KRT26: variants seen among roughly 807,000 people sequenced by gnomAD.
KRT26 encodes the protein keratin, type I cytoskeletal 26.
KRT26 carries 45 observed loss-of-function variants against 46.1 expected under a neutral mutation model. The observed-to-expected ratio is 0.98, with a 90% CI of 0.77 to 1.25. The LOEUF (loss-of-function observed/expected upper bound fraction) is 1.25. KRT26 is among the 50% of genes most tolerant of loss of function. The pLI is 0.00. For synonymous variants in KRT26, 191 were observed against 209.9 expected (o/e 0.91, Z 0.78); for missense variants, 582 against 560.1 (o/e 1.04, Z -0.39).
Position 40,769,890 on chromosome 17 carries a change from A to G in KRT26, c.844-11T>C. ...TTGCAGCGTTGCACTCTGAAGTGTA[A>G]TTGTCGAAAGGGTTAGTGACTGGCC... On this transcript the variant is annotated splice_polypyrimidine_tract_variant and intron_variant, in intron 4 of 7. Coordinates refer to ENST00000335552, the Ensembl canonical transcript of KRT26. The G allele has an allele frequency of 6.2e-7, 1 of 1,614,042 alleles. No individual in the cohort carries two copies. The highest frequency in any genetic ancestry group is 8.5e-7 in the Non-Finnish European group (1 of 1,179,994).
intron 6 of KRT26, among the ~76,000 whole-genome samples, chr17:40,768,347 A>T (rs902816526): frequency 6.6e-6 from 1 of 152,230 alleles, no homozygotes; most frequent in South Asian, 2.1e-4. Flanking sequence ...TCACAATTTC[A>T]TCAACGAGGA....
intron 5 of KRT26, 140 bp from the exon 6 acceptor site, chr17:40,769,236 CA>C (rs1245804781): frequency 7.1e-6 from 4 of 566,614 alleles, no homozygotes; most frequent in Non-Finnish European, 1.2e-5. Flanking sequence ...TGGCTCACTG[CA>C]GCCTCTCTTC....
At chr17:40,771,811 C>T (rs2038223404) in exon 1 of KRT26, 2 of 1,614,178 alleles carry the variant, frequency 1.2e-6, no homozygotes, top group Admixed American at 3.3e-5. Context: ...CTAGAGCATG[C>T]ACATGGTCCA....
rs911295978 is a variant in KRT26 at position 40,770,352 on chromosome 17, G to C, written c.582C>G (p.Arg194=). The C allele has an allele frequency of 5.0e-6, 8 of 1,613,728 alleles. No individual in the cohort carries two copies. In the Admixed American group the frequency reaches 1.0e-4, roughly 20 times the overall value. Reference sequence around the variant, plus strand: ...AAAGGGTCAGTTCATCCAACACTCTGCGAAGACCACTGGTGTCGGCCTCAA... The same window carrying C: ...AAAGGGTCAGTTCATCCAACACTCTCCGAAGACCACTGGTGTCGGCCTCAA... The change falls in exon 3 of 8, where the codon CGC becomes CGG. Residue 194 remains arginine, a synonymous_variant. Coordinates refer to ENST00000335552, the Ensembl canonical transcript of KRT26.
exon 1 of KRT26, chr17:40,771,837 G>A (rs372502675): frequency 1.1e-4 from 179 of 1,613,014 alleles, no homozygotes; most frequent in Non-Finnish European, 1.5e-4. Flanking sequence ...GATGCCAGGC[G>A]GTCGTTGAGA....
chr17:40,766,621 T>C (rs755423213), exon 8 of KRT26: 1 of 1,613,210 alleles, frequency 6.2e-7, no homozygotes, highest in South Asian at 1.1e-5. Flanking sequence ...GCCAATTTGA[T>C]CCAGTTCCTC....
rs77754461 is a variant in KRT26 at position 40,768,061 on chromosome 17, G to A, written c.1188-408C>T. On this transcript the variant is annotated intron_variant, in intron 6 of 7. Coordinates refer to ENST00000335552, the Ensembl canonical transcript of KRT26. ...CAAAAAGTTACCTATAACATGAAAA[G>A]TGCTGTAAATTAAGTGAAAAGTGAG... 2.1e-3 allele frequency among the ~76,000 whole-genome samples: 319 copies of A among 152,308 alleles called. 3 individuals are homozygous for A. The highest frequency in any genetic ancestry group is 0.02 in the Middle Eastern group (6 of 294).
At chr17:40,769,728 T>A in intron 5 of KRT26, 26 bp downstream of exon 5, 2 of 1,613,040 alleles carry the variant, frequency 1.2e-6, no homozygotes, top group Non-Finnish European at 1.7e-6. Context: ...ACACATATAT[T>A]CAATTCAATG....
exon 8 of KRT26, chr17:40,766,375 A>G (rs1299947159): frequency 1.6e-6 from 1 of 623,882 alleles, no homozygotes; most frequent in Non-Finnish European, 2.6e-6. Context: ...GAAGGAGAAC[A>G]AATTCTAGCC....
chr17:40,770,104 A>G (rs1192445324), exon 4 of KRT26: 1 of 1,614,146 alleles, frequency 6.2e-7, no homozygotes, highest in Admixed American at 1.7e-5. Flanking sequence ...CCAGCTGTAT[A>G]TTGCAAGACT....
intron 1 of KRT26, 71 bp downstream of exon 1, chr17:40,771,602 T>C: frequency 1.4e-6 from 2 of 1,401,482 alleles, no homozygotes; most frequent in Non-Finnish European, 1.9e-6. Flanking sequence ...AGGCACATTT[T>C]ATATTTTCTC....
chr17:40,767,939 G>A (rs2038184492), intron 6 of KRT26, among the ~76,000 whole-genome samples: 1 of 152,170 alleles, frequency 6.6e-6, no homozygotes, highest in African/African-American at 2.4e-5. Context: ...AATGTGTTTG[G>A]AGTGCCTACC....
chr17:40,771,667 T>G lies in KRT26; in HGVS notation c.441+6A>C. The G allele has an allele frequency of 6.2e-7, 1 of 1,601,672 alleles. No homozygotes were observed. Among genetic ancestry groups the G allele is most frequent in the Admixed American group, 1.7e-5 (1 of 58,812 alleles). ...TAGTAAAAGTATGCAAATCCCTATT[T>G]CTTACCTGCCTTTTAAGATCTTCTA... On this transcript the variant is annotated splice_donor_region_variant and intron_variant, in intron 1 of 7. Coordinates refer to ENST00000335552, the Ensembl canonical transcript of KRT26.
rs775879939 is a variant in KRT26 at position 40,767,681 on chromosome 17, T to A, written c.1188-28A>T. The A allele has an allele frequency of 3.2e-5, 31 of 977,326 alleles. No individual in the cohort carries two copies. The African/African-American group carries it at 5.7e-4, about 18-fold the overall frequency. The allele number at this position is 977,326 out of a possible 1,614,324, so 60.5% of individuals were successfully genotyped here. On this transcript the variant is annotated intron_variant, in intron 6 of 7. Transcript: ENST00000335552. ...GTGAAGAGAAGAGTAAATTATTGCA[T>A]TTTTTTTTCTTTCCTTAGTGAGCTT...
chr17:40,771,468 G>A lies in KRT26; in HGVS notation c.441+205C>T, dbSNP rs188234679. On this transcript the variant is annotated intron_variant, in intron 1 of 7. Transcript: ENST00000335552. The stretch of plus-strand genomic sequence containing the variant: ...ATGAGCTAAATATATGAAAAACGAA[G>A]TGACTATATCTGTTTTGAAATGATT... Among the ~76,000 whole-genome samples, 63 of 152,282 alleles carry A rather than the reference G, an allele frequency of 4.1e-4. 1 individual carries two copies. The East Asian group carries it at 8.7e-3, about 21-fold the overall frequency.
chr17:40,769,146 G>T, intron 5 of KRT26, 50 bp from the exon 6 acceptor site: 1 of 1,165,228 alleles, frequency 8.6e-7, no homozygotes, highest in Non-Finnish European at 1.3e-6. Flanking sequence ...GAAATGGCAT[G>T]GTCATCTTAT....
Position 40,769,109 on chromosome 17 carries a change from C to A in KRT26, c.970-13G>T. 1 of 1,551,860 alleles carries A rather than the reference C, an allele frequency of 6.4e-7. No homozygotes were observed. On this transcript the variant is annotated splice_polypyrimidine_tract_variant and intron_variant, in intron 5 of 7. Coordinates refer to ENST00000335552, the Ensembl canonical transcript of KRT26. ...CATAGGAATGTTTCTGAAAGAAAAG[C>A]AAAGTGAAGCTTGAATGTGTAAAAG... is the stretch of plus-strand genomic sequence containing the variant.
rs1271436015 is a variant in KRT26 at position 40,767,459 on chromosome 17, C to T, written c.1255+127G>A. On this transcript the variant is annotated intron_variant, in intron 7 of 7. Transcript: ENST00000335552. ...AATATTAAGAACTATCATAATGACC[C>T]CTCATCCCTTTATTCACCAGAAGTA... is the stretch of plus-strand genomic sequence containing the variant. The T allele has an allele frequency of 5.8e-6, 3 of 516,570 alleles. No homozygotes were observed. The Admixed American group carries it at 1.1e-4, about 19-fold the overall frequency. The allele number at this position is 516,570 out of a possible 1,614,324, so 32.0% of individuals were successfully genotyped here. A position where few individuals can be genotyped will look rare whatever the true frequency, so the allele number is the denominator to read the frequency against.
rs1465808892 is a variant in KRT26, at chr17:40,770,051, G to T, written c.753C>A (p.Asp251Glu). ...TCATGTTGTTCAACAGGACAGTTAG[G>T]TCCACTCCTGGGGTTGCATTCATCT... The change falls in exon 4 of 8, where the codon GAC (aspartate) becomes GAA (glutamate). Residue 251 changes from aspartate to glutamate, a missense_variant. Asp to Glu is a conservative substitution (Grantham distance 45). Transcript: ENST00000335552. 4.3e-6 allele frequency: 7 copies of T among 1,613,964 alleles called. No individual in the cohort carries two copies. The Admixed American group carries it at 1.2e-4, about 27-fold the overall frequency.
Sources: gnomAD v4.1 joint callset for allele counts (sites outside exome capture counted in the v4.1 genomes callset) on GRCh38, gnomAD v4.1.1 for gene constraint, MANE v1.5 for transcripts, NCBI Gene and HGNC (gene_info 2026-07-23, HGNC 2026-07-21) for gene names.